The following KCNIP4 variants were observed in gnomAD, a reference collection of about 807,000 sequenced individuals.
The protein encoded by KCNIP4 is potassium voltage-gated channel interacting protein 4.
A neutral mutation model predicts 34.0 loss-of-function variants in KCNIP4; 12 were observed. That is an observed-to-expected ratio of 0.35 (90% CI 0.23 to 0.57). The LOEUF is 0.57. KCNIP4 is among the 20% of genes least tolerant of loss of function. The pLI is 0.83. For missense variants in KCNIP4, 238 were observed against 311.7 expected, an observed-to-expected ratio of 0.76 and a Z score of 1.78; for synonymous variants, 124 against 102.2, an observed-to-expected ratio of 1.21 and a Z score of -1.29.
chr4:21,802,431 T>C (rs12650029), intron 1 of KCNIP4, among the ~76,000 whole-genome samples: 58,270 of 152,044 alleles, frequency 0.38, 12,704 homozygotes, highest in Non-Finnish European at 0.51. Flanking sequence ...TTTGTTTTTG[T>C]TTTCCTAAAT....
At chr4:21,726,684 A>G (rs1288447568) in intron 1 of KCNIP4, among the ~76,000 whole-genome samples, 1 of 152,152 alleles carries the variant, frequency 6.6e-6, no homozygotes, top group Non-Finnish European at 1.5e-5. Context: ...ATCACTCTGC[A>G]CTGTAATTGC....
At chr4:21,310,871 G>A (rs556897799) in intron 1 of KCNIP4, among the ~76,000 whole-genome samples, 11 of 152,046 alleles carry the variant, frequency 7.2e-5, no homozygotes, top group African/African-American at 1.9e-4. Flanking sequence ...CTCGTGATCC[G>A]CCCGCCTCGA....
intron 1 of KCNIP4, among the ~76,000 whole-genome samples, chr4:21,917,206 C>A (rs747945301): frequency 3.9e-5 from 6 of 152,008 alleles, no homozygotes; most frequent in Non-Finnish European, 8.8e-5. Context: ...GTGGTCTCGG[C>A]TCACTGCAAC....
At chr4:20,823,177 C>T (rs2149447464) in intron 3 of KCNIP4, among the ~76,000 whole-genome samples, 1 of 152,124 alleles carries the variant, frequency 6.6e-6, no homozygotes, top group South Asian at 2.1e-4. Context: ...TTTGTTATAG[C>T]ATCAGGAACA....
chr4:21,247,815 A>ATG (rs1466613495), intron 1 of KCNIP4, among the ~76,000 whole-genome samples: 1 of 104,910 alleles, frequency 9.5e-6, no homozygotes, highest in African/African-American at 4.7e-5. Context: ...ATATATATAT[A>ATG]TATATACACA....
chr4:21,923,380 G>A (rs1578147634), intron 1 of KCNIP4, among the ~76,000 whole-genome samples: 1 of 152,076 alleles, frequency 6.6e-6, no homozygotes, highest in Non-Finnish European at 1.5e-5. Flanking sequence ...TCAGGAGTTC[G>A]AGACCAGCCT....
chr4:21,643,305 C>CA (rs1746750254), intron 1 of KCNIP4, among the ~76,000 whole-genome samples: 1 of 152,108 alleles, frequency 6.6e-6, no homozygotes, highest in Non-Finnish European at 1.5e-5. Flanking sequence ...GAAGAATAAT[C>CA]ATCAAAAAGA....
intron 1 of KCNIP4, among the ~76,000 whole-genome samples, chr4:21,602,769 G>A (rs1372743394): frequency 6.6e-6 from 1 of 152,046 alleles, no homozygotes; most frequent in African/African-American, 2.4e-5. Context: ...AAATTGATAG[G>A]TTCAGAATAA....
chr4:21,422,841 T>C (rs1238521677), intron 1 of KCNIP4, among the ~76,000 whole-genome samples: 1 of 152,052 alleles, frequency 6.6e-6, no homozygotes, highest in Non-Finnish European at 1.5e-5. Flanking sequence ...AACTATGGCA[T>C]GGAGAAAGCA....
At chr4:21,740,815 C>T (rs1716348559) in intron 1 of KCNIP4, among the ~76,000 whole-genome samples, 2 of 152,154 alleles carry the variant, frequency 1.3e-5, no homozygotes, top group African/African-American at 2.4e-5. Flanking sequence ...TACCCATATA[C>T]ATTTAACATT....
chr4:21,323,835 T>C (rs983776367), intron 1 of KCNIP4, among the ~76,000 whole-genome samples: 5 of 152,058 alleles, frequency 3.3e-5, no homozygotes, highest in Non-Finnish European at 7.4e-5. Context: ...CTGTTCTCCA[T>C]AGGGGTTGTA....
chr4:21,365,504 A>T lies in KCNIP4; in HGVS notation c.62-482795T>A, dbSNP rs1013167538. 4.7e-5 allele frequency among the ~76,000 whole-genome samples: 5 copies of T among 106,964 alleles called. No individual in the cohort carries two copies. In the East Asian group the frequency reaches 1.3e-3, roughly 28 times the overall value. The allele number at this position is 106,964 out of a possible 152,430, so 70.2% of individuals were successfully genotyped here. ...AAATAAATAAATAAATAAATAAATAAATAAATAAATAAATAAATAAAAAAT... is the reference window on the plus strand; with the variant it reads ...AAATAAATAAATAAATAAATAAATATATAAATAAATAAATAAATAAAAAAT... On this transcript the variant is annotated intron_variant, in intron 1 of 8. Transcript: ENST00000382152.
chr4:21,658,387 T>TCACAC (rs1748144082), intron 1 of KCNIP4, among the ~76,000 whole-genome samples: 1 of 152,058 alleles, frequency 6.6e-6, no homozygotes, highest in African/African-American at 2.4e-5. Flanking sequence ...GAACATCACA[T>TCACAC]CACATCACAT....
intron 1 of KCNIP4, among the ~76,000 whole-genome samples, chr4:20,900,438 C>G (rs1218746618): frequency 6.6e-6 from 1 of 152,190 alleles, no homozygotes; most frequent in African/African-American, 2.4e-5. Context: ...CGCACAAGGC[C>G]TAGCATTGAC....
intron 1 of KCNIP4, among the ~76,000 whole-genome samples, chr4:21,559,614 G>A (rs1165300179): frequency 6.6e-6 from 1 of 152,084 alleles, no homozygotes; most frequent in East Asian, 1.9e-4. Flanking sequence ...ACTCTGCCAG[G>A]AAAGCCACTT....
At chr4:21,228,226 T>C (rs1361024656) in intron 1 of KCNIP4, among the ~76,000 whole-genome samples, 9 of 152,100 alleles carry the variant, frequency 5.9e-5, no homozygotes, top group Non-Finnish European at 1.3e-4. Context: ...ACTTCCTCCT[T>C]ACTGTTCTCA....
intron 1 of KCNIP4, among the ~76,000 whole-genome samples, chr4:21,664,229 G>A (rs558782753): frequency 9.9e-5 from 15 of 152,220 alleles, no homozygotes; most frequent in South Asian, 4.1e-4. Flanking sequence ...CATTACAGGC[G>A]TGAGCCACCA....
intron 1 of KCNIP4, among the ~76,000 whole-genome samples, chr4:21,087,669 T>C (rs1746590606): frequency 6.6e-6 from 1 of 152,122 alleles, no homozygotes; most frequent in African/African-American, 2.4e-5. Flanking sequence ...CTCACTCACT[T>C]CACAACACAA....
At chr4:21,132,264 A>G (rs148372917) in intron 1 of KCNIP4, among the ~76,000 whole-genome samples, 1,969 of 152,296 alleles carry the variant, frequency 0.013, 23 homozygotes, top group South Asian at 0.026. Flanking sequence ...ACTTACTATT[A>G]AAAGTTTTGT....
Sources: allele counts gnomAD v4.1 joint callset (sites outside exome capture counted in the v4.1 genomes callset), GRCh38; gene constraint gnomAD v4.1.1; transcripts MANE v1.5; gene names NCBI Gene and HGNC (gene_info 2026-07-23, HGNC 2026-07-21).